CNIH3: variants seen among roughly 807,000 people sequenced by gnomAD.
CNIH3 encodes the protein cornichon family AMPA receptor auxiliary protein 3, also known as protein cornichon homolog 3.
CNIH3 carries 14 observed loss-of-function variants against 24.1 expected under a neutral mutation model. That is an observed-to-expected ratio of 0.58 (90% confidence interval 0.38 to 0.91). The LOEUF (loss-of-function observed/expected upper bound fraction) is 0.91. CNIH3 is among the 40% of genes least tolerant of loss of function. CNIH3 has a pLI of 0.00. For synonymous variants in CNIH3, 68 were observed against 73.8 expected (o/e 0.92, Z 0.40); for missense variants, 178 against 196.8 (o/e 0.90, Z 0.57).
chr1:224,614,627 C>T (rs573162529), upstream of CNIH3, among the ~76,000 whole-genome samples: 105 of 148,918 alleles, frequency 7.1e-4, no homozygotes, highest in Non-Finnish European at 1.2e-3. Context: ...GGCAACACAG[C>T]AAGACTGTCT....
At chr1:224,575,078 C>A in intron 4 of CNIH3, 1 of 873,230 alleles carries the variant, frequency 1.1e-6, no homozygotes, top group Non-Finnish European at 2.0e-6. Flanking sequence ...ACAGCTCCTT[C>A]AGCTCCCCCG....
At chr1:224,440,124 T>C (rs1220412727) in intron 1 of CNIH3, among the ~76,000 whole-genome samples, 1 of 152,252 alleles carries the variant, frequency 6.6e-6, no homozygotes, top group Non-Finnish European at 1.5e-5. Context: ...GGTTTCACCA[T>C]GTTGACCAGG....
At chr1:224,545,975 A>G (rs1031731397) in intron 2 of CNIH3, among the ~76,000 whole-genome samples, 7 of 152,070 alleles carry the variant, frequency 4.6e-5, no homozygotes, top group Non-Finnish European at 8.8e-5. Context: ...GTGGCTTCCC[A>G]GGGTTTCTCT....
intron 1 of CNIH3, among the ~76,000 whole-genome samples, chr1:224,674,814 C>T (rs878855998): frequency 1.3e-5 from 2 of 151,990 alleles, no homozygotes; most frequent in Admixed American, 1.3e-4. Flanking sequence ...AAGCCTCCAT[C>T]CAGGCTAGTA....
chr1:224,469,870 T>A lies in CNIH3; in HGVS notation n.203+35008T>A, dbSNP rs12060974. On this transcript the variant is annotated intron_variant and non_coding_transcript_variant, in intron 1 of 5. Transcript: ENST00000471578. ...TTTTCCTTCTACTTTCAGGCCTTCCTTTAATATTTTTTAAAGTCTGGTAGT... is the reference window on the plus strand; with the variant it reads ...TTTTCCTTCTACTTTCAGGCCTTCCATTAATATTTTTTAAAGTCTGGTAGT... Among the ~76,000 whole-genome samples, 212 of 152,324 alleles carry A rather than the reference T, an allele frequency of 1.4e-3. 5 individuals are homozygous for A. The East Asian group carries it at 0.034, about 24-fold the overall frequency.
intron 2 of CNIH3, among the ~76,000 whole-genome samples, chr1:224,530,375 A>C (rs979734020): frequency 6.6e-6 from 1 of 152,104 alleles, no homozygotes; most frequent in African/African-American, 2.4e-5. Context: ...CATTGTAATT[A>C]CTCCTAGGTT....
At position 224,554,158 on chromosome 1, in the gene CNIH3, G is replaced by T. The variant is rs551969807; in HGVS notation, n.450+7219G>T. On this transcript the variant is annotated intron_variant and non_coding_transcript_variant, in intron 3 of 5. Coordinates refer to the CNIH3 transcript ENST00000471578. Reference sequence around the variant, plus strand: ...GCTCTATCTGCTCAGCTCCTGTCTGGCGCTTGACCCTGAACTCCTGCTTGG... The same window carrying T: ...GCTCTATCTGCTCAGCTCCTGTCTGTCGCTTGACCCTGAACTCCTGCTTGG... Among the ~76,000 whole-genome samples, 144 of 152,250 alleles carry T rather than the reference G, an allele frequency of 9.5e-4. 1 individual carries two copies. Among genetic ancestry groups the T allele is most frequent in the African/African-American group, 3.4e-3 (141 of 41,538 alleles).
At chr1:224,456,893 T>C (rs1675685798) in intron 1 of CNIH3, among the ~76,000 whole-genome samples, 1 of 152,182 alleles carries the variant, frequency 6.6e-6, no homozygotes, top group African/African-American at 2.4e-5. Context: ...GGAAGAGGCT[T>C]GTGTGGGAGT....
At chr1:224,708,094 C>T (rs1188423033) in intron 3 of CNIH3, among the ~76,000 whole-genome samples, 1 of 152,148 alleles carries the variant, frequency 6.6e-6, no homozygotes, top group Non-Finnish European at 1.5e-5. Flanking sequence ...TTAAGTTCCC[C>T]AGCAATCCTG....
In CNIH3 at chr1:224,617,017, T is replaced by C. The variant is rs1382505982; in HGVS notation, c.-158T>C. 20 of 1,413,900 alleles carry C rather than the reference T, an allele frequency of 1.4e-5. No homozygotes were observed. The highest frequency in any genetic ancestry group is 1.7e-5 in the Non-Finnish European group (18 of 1,088,024). 87.6% of individuals were successfully genotyped at this position (1,413,900 alleles called of 1,614,324 possible). On this transcript the variant is annotated 5_prime_UTR_variant, in exon 1 of 6. Transcript: ENST00000272133. ...CTGCGGGAATCCAGCGCTTATTCGC[T>C]GACCCTCGAGTCGCTTCGCTAGCTG... is the stretch of plus-strand genomic sequence containing the variant.
intron 1 of CNIH3, among the ~76,000 whole-genome samples, chr1:224,648,594 C>T (rs116731598): frequency 0.1 from 15,349 of 152,154 alleles, 1,181 homozygotes; most frequent in African/African-American, 0.2. Flanking sequence ...AGGAGCAAAG[C>T]ACACTGTTTG....
intron 1 of CNIH3, among the ~76,000 whole-genome samples, chr1:224,475,065 A>C (rs1379933765): frequency 6.7e-6 from 1 of 149,370 alleles, no homozygotes; most frequent in Non-Finnish European, 1.5e-5. Flanking sequence ...GAAAAAAAAA[A>C]AAGAAAATCA....
upstream of CNIH3, among the ~76,000 whole-genome samples, chr1:224,614,536 G>C (rs1682851205): frequency 6.6e-6 from 1 of 152,180 alleles, no homozygotes; most frequent in South Asian, 2.1e-4. Context: ...AATTATCTGG[G>C]TGTGGTGGTG....
At chr1:224,497,278 G>A (rs951606726) in intron 1 of CNIH3, among the ~76,000 whole-genome samples, 4 of 152,194 alleles carry the variant, frequency 2.6e-5, no homozygotes, top group Non-Finnish European at 5.9e-5. Context: ...TGATGAAAAT[G>A]TTCTAGAATT....
At chr1:224,678,353 T>C (rs1269509706) in intron 1 of CNIH3, among the ~76,000 whole-genome samples, 1 of 152,002 alleles carries the variant, frequency 6.6e-6, no homozygotes, top group African/African-American at 2.4e-5. Context: ...TGCAATCAGA[T>C]TGGATTAAAA....
intron 3 of CNIH3, among the ~76,000 whole-genome samples, chr1:224,600,620 C>T (rs1003428942): frequency 1.1e-4 from 17 of 152,232 alleles, no homozygotes; most frequent in African/African-American, 2.9e-4. Context: ...AGCGATCCCC[C>T]GACCTCAGCT....
At chr1:224,648,142 G>A (rs1037443491) in intron 1 of CNIH3, among the ~76,000 whole-genome samples, 1 of 152,174 alleles carries the variant, frequency 6.6e-6, no homozygotes, top group African/African-American at 2.4e-5. Context: ...GCTCACGCCT[G>A]TAATCCCAAC....
chr1:224,580,373 C>T (rs149588552), intron 4 of CNIH3, among the ~76,000 whole-genome samples: 1 of 152,254 alleles, frequency 6.6e-6, no homozygotes, highest in East Asian at 1.9e-4. Context: ...GTTTATTTTG[C>T]CAAGGTTGAA....
At chr1:224,516,303 A>C (rs1262036076) in intron 1 of CNIH3, among the ~76,000 whole-genome samples, 1 of 127,930 alleles carries the variant, frequency 7.8e-6, no homozygotes, top group Non-Finnish European at 1.6e-5. Context: ...ACAAACCGAG[A>C]CTCTGTCTCA....
Sources: gnomAD v4.1 joint callset for allele counts (sites outside exome capture counted in the v4.1 genomes callset) on GRCh38, gnomAD v4.1.1 for gene constraint, MANE v1.5 for transcripts, NCBI Gene and HGNC (gene_info 2026-07-23, HGNC 2026-07-21) for gene names.